Variants in LPP observed in about 807,000 individuals in gnomAD.
LPP encodes lipoma-preferred partner.
A neutral mutation model predicts 60.4 loss-of-function variants in LPP; 38 were observed. The observed-to-expected ratio is 0.63, with a 90% CI of 0.49 to 0.83. The LOEUF (loss-of-function observed/expected upper bound fraction) is 0.83, where lower values mean the gene tolerates loss of function less well. LPP is among the 40% of genes least tolerant of loss of function. The pLI is 0.00. For synonymous variants in LPP, 328 were observed against 290.8 expected, an observed-to-expected ratio of 1.13 and a Z score of -1.30; for missense variants, 902 against 783.6, an observed-to-expected ratio of 1.15 and a Z score of -1.80.
intron 1 of LPP, among the ~76,000 whole-genome samples, chr3:188,161,317 G>A (rs1187421399): frequency 6.6e-6 from 1 of 152,200 alleles, no homozygotes. Flanking sequence ...CAGGAGAAAT[G>A]GGCCTGTATC....
At chr3:188,507,593 G>A (rs1212818167) in intron 5 of LPP, among the ~76,000 whole-genome samples, 2 of 152,012 alleles carry the variant, frequency 1.3e-5, no homozygotes, top group Non-Finnish European at 2.9e-5. Flanking sequence ...GCATGTGAAA[G>A]GCTCATGCAG....
chr3:188,791,152 A>C (rs1207681981), intron 9 of LPP, among the ~76,000 whole-genome samples: 1 of 152,146 alleles, frequency 6.6e-6, no homozygotes, highest in East Asian at 1.9e-4. Flanking sequence ...CCTAGAGACC[A>C]TCCATTGCCT....
intron 4 of LPP, among the ~76,000 whole-genome samples, chr3:188,410,745 G>C (rs1158027789): frequency 6.6e-6 from 1 of 152,058 alleles, no homozygotes; most frequent in Non-Finnish European, 1.5e-5. Context: ...TCTTCTTAGA[G>C]ATTTTTTTTA....
chr3:188,426,457 G>A (rs1789361903), intron 4 of LPP, among the ~76,000 whole-genome samples: 1 of 152,152 alleles, frequency 6.6e-6, no homozygotes, highest in African/African-American at 2.4e-5. Flanking sequence ...TTCTGTAGAT[G>A]TCTATTAGGT....
At chr3:188,832,450 C>T (rs1757359029) in intron 9 of LPP, among the ~76,000 whole-genome samples, 1 of 152,318 alleles carries the variant, frequency 6.6e-6, no homozygotes, top group South Asian at 2.1e-4. Flanking sequence ...GAGAATGCTA[C>T]TCAGCTGACA....
intron 4 of LPP, among the ~76,000 whole-genome samples, chr3:188,438,354 T>TAC (rs67832532): frequency 3.4e-4 from 47 of 138,094 alleles, no homozygotes; most frequent in African/African-American, 1.3e-3. Flanking sequence ...TTCCATGCAT[T>TAC]ACACACACAC....
At chr3:188,193,128 C>T (rs935494880) in intron 1 of LPP, among the ~76,000 whole-genome samples, 4 of 152,124 alleles carry the variant, frequency 2.6e-5, no homozygotes, top group Admixed American at 6.5e-5. Context: ...TTTGGCCTGT[C>T]CTATAACTTG....
At chr3:188,265,496 A>C (rs531261788) in intron 2 of LPP, among the ~76,000 whole-genome samples, 212 of 152,316 alleles carry the variant, frequency 1.4e-3, no homozygotes, top group African/African-American at 4.8e-3. Context: ...AGTTAACAAT[A>C]CTTGGAGACA....
chr3:188,289,134 G>A (rs906860132), intron 2 of LPP, among the ~76,000 whole-genome samples: 15 of 152,110 alleles, frequency 9.9e-5, no homozygotes, highest in Non-Finnish European at 1.6e-4. Flanking sequence ...GCTTTGAGAG[G>A]AGTTATTTTA....
At chr3:188,758,775 T>C (rs976473861) in intron 8 of LPP, 9 of 152,166 alleles carry the variant, frequency 5.9e-5, no homozygotes, top group African/African-American at 1.9e-4. Flanking sequence ...ATAGGTAATA[T>C]AGCATAGTGT....
At chr3:188,694,227 A>C (rs1204181608) in intron 7 of LPP, among the ~76,000 whole-genome samples, 1 of 152,176 alleles carries the variant, frequency 6.6e-6, no homozygotes, top group Admixed American at 6.5e-5. Context: ...TTTAGCTTCT[A>C]ATGTGAAAGA....
At chr3:188,781,227 T>G (rs1320752566) in intron 9 of LPP, among the ~76,000 whole-genome samples, 2 of 152,202 alleles carry the variant, frequency 1.3e-5, no homozygotes, top group South Asian at 2.1e-4. Flanking sequence ...TTTAGCAATA[T>G]GTACTACATT....
At chr3:188,396,712 A>G (rs1173057411) in intron 3 of LPP, among the ~76,000 whole-genome samples, 1 of 152,138 alleles carries the variant, frequency 6.6e-6, no homozygotes, top group East Asian at 1.9e-4. Context: ...TTAGAAGCAG[A>G]TTTACTGAAC....
intron 1 of LPP, chr3:188,208,274 T>C (rs764935700): frequency 6.6e-6 from 1 of 152,194 alleles, no homozygotes; most frequent in African/African-American, 2.4e-5. Context: ...CTCTCAGAGC[T>C]CCTTGGGTCC....
chr3:188,379,231 G>A (rs1470770063), intron 3 of LPP, among the ~76,000 whole-genome samples: 1 of 152,096 alleles, frequency 6.6e-6, no homozygotes, highest in Admixed American at 6.6e-5. Context: ...CTAACCAAAA[G>A]TAATTATATT....
chr3:188,457,470 A>G (rs1797974224), intron 4 of LPP, among the ~76,000 whole-genome samples: 1 of 152,116 alleles, frequency 6.6e-6, no homozygotes, highest in Non-Finnish European at 1.5e-5. Flanking sequence ...TCTAGGAAGC[A>G]TCTCCCTCCC....
chr3:188,717,454 C>G (rs910277331), intron 8 of LPP, among the ~76,000 whole-genome samples: 1 of 152,144 alleles, frequency 6.6e-6, no homozygotes, highest in African/African-American at 2.4e-5. Flanking sequence ...TAGGCAGCTA[C>G]CTTTAGTGGA....
intron 5 of LPP, among the ~76,000 whole-genome samples, chr3:188,492,161 C>A (rs920079929): frequency 6.6e-6 from 1 of 152,180 alleles, no homozygotes; most frequent in African/African-American, 2.4e-5. Context: ...ATGAGGTTAG[C>A]TTTGCCTTAG....
intron 4 of LPP, among the ~76,000 whole-genome samples, chr3:188,423,608 T>C (rs940508727): frequency 6.6e-6 from 1 of 152,206 alleles, no homozygotes; most frequent in African/African-American, 2.4e-5. Context: ...CCAGCATCTG[T>C]TGTTTCCTGA....
Sources: gnomAD v4.1 joint callset for allele counts (sites outside exome capture counted in the v4.1 genomes callset) on GRCh38, gnomAD v4.1.1 for gene constraint, MANE v1.5 for transcripts, NCBI Gene and HGNC (gene_info 2026-07-23, HGNC 2026-07-21) for gene names.